The following PIGN variants were observed in gnomAD, a reference collection of about 807,000 sequenced individuals.
The protein encoded by PIGN is GPI ethanolamine phosphate transferase 1.
PIGN carries 117 observed loss-of-function variants against 125.4 expected under a neutral mutation model. The observed-to-expected ratio is 0.93, with a 90% CI of 0.80 to 1.09. The LOEUF (loss-of-function observed/expected upper bound fraction) is 1.09. Ranked by LOEUF, PIGN falls within the 50% of genes least tolerant of loss-of-function variation. PIGN has a pLI of 0.00. For synonymous variants in PIGN, 392 were observed against 377.8 expected, an observed-to-expected ratio of 1.04 and a Z score of -0.44; for missense variants, 1,075 against 1,094.9, an observed-to-expected ratio of 0.98 and a Z score of 0.26.
At chr18:62,167,285 T>G (rs2037175420) in intron 1 of PIGN, among the ~76,000 whole-genome samples, 1 of 83,114 alleles carries the variant, frequency 1.2e-5, no homozygotes, top group Admixed American at 1.3e-4. Flanking sequence ...TAGAGATATA[T>G]ATGTGTGTGT....
chr18:62,135,013 A>C (rs1221425007), intron 14 of PIGN, among the ~76,000 whole-genome samples: 1 of 152,174 alleles, frequency 6.6e-6, no homozygotes, highest in Non-Finnish European at 1.5e-5. Context: ...ATTTAGTTTG[A>C]GGTCCACTCA....
At chr18:62,130,754 AT>A (rs1357412200) in intron 14 of PIGN, among the ~76,000 whole-genome samples, 1 of 151,810 alleles carries the variant, frequency 6.6e-6, no homozygotes, top group Admixed American at 6.6e-5. Flanking sequence ...TTTGTTACAA[AT>A]TTTTTTTGCT....
Position 62,095,960 on chromosome 18 carries a change from A to C in PIGN, c.2078-10T>G. ...ACAACCAAGGAAGAGGCTGCAATGA[A>C]ACAGAACAGGTCATCTGTCAGTATA... On this transcript the variant is annotated splice_polypyrimidine_tract_variant and intron_variant, in intron 22 of 30. Coordinates refer to ENST00000640252, the MANE Select transcript of PIGN (RefSeq NM_176787.5). The C allele has an allele frequency of 6.4e-7, 1 of 1,553,620 alleles. No individual in the cohort carries two copies. Among genetic ancestry groups the C allele is most frequent in the South Asian group, 1.1e-5 (1 of 89,584 alleles).
At chr18:62,116,979 ATTATG>A (rs1169909185) in intron 14 of PIGN, among the ~76,000 whole-genome samples, 1 of 152,118 alleles carries the variant, frequency 6.6e-6, no homozygotes, top group African/African-American at 2.4e-5. Flanking sequence ...TACATTATAT[ATTATG>A]TTATGTTATA....
intron 23 of PIGN, among the ~76,000 whole-genome samples, chr18:62,027,984 T>G (rs1568103735): frequency 6.6e-6 from 1 of 152,158 alleles, no homozygotes; most frequent in African/African-American, 2.4e-5. Flanking sequence ...CTTATTTCTA[T>G]GTAAATGTGC....
chr18:62,134,133 G>A (rs1392968490), intron 14 of PIGN, among the ~76,000 whole-genome samples: 1 of 151,794 alleles, frequency 6.6e-6, no homozygotes, highest in African/African-American at 2.4e-5. Context: ...GGTGGCTCAT[G>A]CCTGTAATCC....
At chr18:62,160,651 G>T (rs2036917171) in intron 4 of PIGN, among the ~76,000 whole-genome samples, 1 of 152,116 alleles carries the variant, frequency 6.6e-6, no homozygotes, top group South Asian at 2.1e-4. Context: ...AGGATTACAG[G>T]CATGTGCCAC....
chr18:62,160,622 C>G (rs1196949434), intron 4 of PIGN, among the ~76,000 whole-genome samples: 1 of 151,848 alleles, frequency 6.6e-6, no homozygotes, highest in African/African-American at 2.4e-5. Flanking sequence ...GTTCTCCTGC[C>G]TCAGCCTCCC....
At chr18:62,080,731 G>T (rs1336357094) in intron 28 of PIGN, among the ~76,000 whole-genome samples, 1 of 152,122 alleles carries the variant, frequency 6.6e-6, no homozygotes, top group Non-Finnish European at 1.5e-5. Flanking sequence ...GAAAAGCAGG[G>T]TTGCTGATGG....
At chr18:62,176,291 T>A (rs2037523133) in intron 1 of PIGN, among the ~76,000 whole-genome samples, 2 of 152,070 alleles carry the variant, frequency 1.3e-5, no homozygotes, top group East Asian at 3.9e-4. Flanking sequence ...TTAATTCAGG[T>A]AGCAGGAATG....
At chr18:62,115,005 G>A (rs2035034510) in intron 14 of PIGN, among the ~76,000 whole-genome samples, 1 of 152,152 alleles carries the variant, frequency 6.6e-6, no homozygotes, top group African/African-American at 2.4e-5. Context: ...TGTGCTCATG[G>A]CAGACTTCAC....
At chr18:62,157,089 C>T (rs1378453944) in intron 6 of PIGN, 40 bp downstream of exon 6, 2 of 952,294 alleles carry the variant, frequency 2.1e-6, no homozygotes, top group Non-Finnish European at 3.2e-6. Flanking sequence ...TGACTTACTC[C>T]CTATTTACTA....
chr18:62,185,412 C>CT (rs934591900), intron 1 of PIGN, among the ~76,000 whole-genome samples: 3 of 151,146 alleles, frequency 2.0e-5, no homozygotes, highest in Admixed American at 6.6e-5. Flanking sequence ...ATTCTTGGTA[C>CT]TTTTTTTTTA....
chr18:62,174,502 T>A (rs1427832398), intron 1 of PIGN: 1 of 152,130 alleles, frequency 6.6e-6, no homozygotes, highest in Non-Finnish European at 1.5e-5. Flanking sequence ...AAGAACAAGC[T>A]GAAGGCCAGA....
intron 20 of PIGN, among the ~76,000 whole-genome samples, chr18:62,104,007 T>C (rs898069436): frequency 3.9e-5 from 6 of 152,212 alleles, no homozygotes; most frequent in Non-Finnish European, 7.3e-5. Context: ...TGCTTTTTCC[T>C]TTAATTGTAT....
rs1215028216 is a variant in PIGN, at chr18:62,102,799, A to C, written c.1963T>G (p.Leu655Val). The C allele has an allele frequency of 2.7e-6, 4 of 1,456,830 alleles. No homozygotes were observed. Among genetic ancestry groups the C allele is most frequent in the African/African-American group, 1.4e-5 (1 of 71,388 alleles). 90.2% of individuals were successfully genotyped at this position (1,456,830 alleles called of 1,614,324 possible). A position where few individuals can be genotyped will look rare whatever the true frequency, so the allele number is the denominator to read the frequency against. ...FIKEELLVHL[L>V]QVLSTVLSMY... ...ATTGAAAATCTGTAACTGACCTGTA[A>C]CAGATGTACCAATAGCTCTTCCTTT... The change falls in exon 21 of 31, where the codon TTA becomes GTA. Residue 655 changes from leucine (L) to valine (V), a missense_variant. Leu to Val is a conservative substitution (Grantham distance 32). Coordinates refer to ENST00000640252, the MANE Select transcript of PIGN (RefSeq NM_176787.5).
intron 16 of PIGN, among the ~76,000 whole-genome samples, chr18:62,111,991 C>A (rs148577732): frequency 6.6e-6 from 1 of 152,148 alleles, no homozygotes; most frequent in Non-Finnish European, 1.5e-5. Flanking sequence ...TGAAAAGGCA[C>A]TCTCTGGCCC....
At chr18:62,116,798 A>T (rs1222537648) in intron 14 of PIGN, among the ~76,000 whole-genome samples, 1 of 152,182 alleles carries the variant, frequency 6.6e-6, no homozygotes. Flanking sequence ...AAAAAGGAAG[A>T]AAAATAAGAG....
At chr18:62,144,331 T>C (rs1012714765) in intron 10 of PIGN, among the ~76,000 whole-genome samples, 1 of 152,228 alleles carries the variant, frequency 6.6e-6, no homozygotes, top group Non-Finnish European at 1.5e-5. Context: ...CAAACTGGAA[T>C]GTTGGCAATG....
Sources: gnomAD v4.1 joint callset for allele counts (sites outside exome capture counted in the v4.1 genomes callset) on GRCh38, gnomAD v4.1.1 for gene constraint, MANE v1.5 for transcripts, NCBI Gene and HGNC (gene_info 2026-07-23, HGNC 2026-07-21) for gene names.